The following PRPF18 variants were observed in gnomAD, a reference collection of about 807,000 sequenced individuals.
The protein encoded by PRPF18 is pre-mRNA-splicing factor 18.
In PRPF18, 38 loss-of-function variants were observed where a neutral mutation model predicts 46.5. The ratio of observed to expected loss-of-function variants is 0.82; its 90% CI spans 0.63 to 1.07. PRPF18 has a LOEUF of 1.07. Among genes scored for constraint, PRPF18 ranks in the 50% least tolerant of loss-of-function variants. The probability of loss-of-function intolerance (pLI) is 0.00; values close to 1 mark genes in which losing one functional copy is unlikely to be tolerated. For synonymous variants in PRPF18, 152 were observed against 146.7 expected (o/e 1.04, Z -0.26); for missense variants, 263 against 410.0 (o/e 0.64, Z 3.10).
At position 13,610,094 on chromosome 10, in the gene PRPF18, A is replaced by G. The variant is rs2080249172; in HGVS notation, c.419A>G (p.Asn140Ser). 1 of 1,613,844 alleles carries G rather than the reference A, an allele frequency of 6.2e-7. No individual in the cohort carries two copies. The highest frequency in any genetic ancestry group is 8.5e-7 in the Non-Finnish European group (1 of 1,179,806). ...GATAAGATTGATCAGCAGTACCTCA[A>G]TGAAATCGTCGGCGGTCAGGAGCCT... ...ALDKIDQQYL[N>S]EIVGGQEPGE... The change falls in exon 5 of 10, where the codon AAT becomes AGT. Residue 140 changes from asparagine (N) to serine (S), a missense_variant. Around this residue, in one of 4 missense-constraint regions of PRPF18, gnomAD observed 155 missense variants for 245.1 expected, o/e 0.63. Transcript: ENST00000378572.
chr10:13,622,931 G>C (rs2080441193), intron 9 of PRPF18, among the ~76,000 whole-genome samples: 1 of 152,184 alleles, frequency 6.6e-6, no homozygotes, highest in Non-Finnish European at 1.5e-5. Flanking sequence ...GGGCACGGTG[G>C]CTCACGCCTG....
Position 13,616,699 on chromosome 10 carries a change from C to CACAG in PRPF18, c.948+146_948+147insACAG, listed in dbSNP as rs2080345927. ...AGTCCCCTCTGGATAAGCACTGACA[C>CACAG]TGAAGCCACCTTCACTGAATAAAGT... is the stretch of plus-strand genomic sequence containing the variant. On this transcript the variant is annotated intron_variant, in intron 9 of 9. Coordinates refer to ENST00000378572, the MANE Select transcript of PRPF18 (RefSeq NM_003675.4). 4 of 966,678 alleles carry CACAG rather than the reference C, an allele frequency of 4.1e-6. No individual in the cohort carries two copies. In the South Asian group the frequency reaches 6.4e-5, roughly 15 times the overall value. The allele number at this position is 966,678 out of a possible 1,614,324, so 59.9% of individuals were successfully genotyped here. A position where few individuals can be genotyped will look rare whatever the true frequency, so the allele number is the denominator to read the frequency against.
At chr10:13,646,436 G>C in the PRPF18 span, 1 of 152,442 alleles carries the variant, frequency 6.6e-6, no homozygotes. Flanking sequence ...ATCCCCACAA[G>C]CTGTCCCATC....
the PRPF18 span, chr10:13,642,742 G>A: frequency 6.6e-6 from 1 of 152,198 alleles, no homozygotes; most frequent in African/African-American, 2.4e-5. Context: ...TTTTTCAAGT[G>A]TAGATGATTT....
chr10:13,622,625 TACAG>T (rs2080436507), intron 9 of PRPF18, among the ~76,000 whole-genome samples: 1 of 152,322 alleles, frequency 6.6e-6, no homozygotes, highest in African/African-American at 2.4e-5. Flanking sequence ...AAAACAAAAA[TACAG>T]AGAAGTAAAA....
At chr10:13,587,350 A>G in intron 1 of PRPF18, 198 bp downstream of exon 1, 1 of 620,532 alleles carries the variant, frequency 1.6e-6, no homozygotes, top group Non-Finnish European at 2.8e-6. Context: ...AGGGTCTGAG[A>G]GCAGGGAACT....
chr10:13,641,235 G>C, the PRPF18 span: 1 of 152,224 alleles, frequency 6.6e-6, no homozygotes, highest in African/African-American at 2.4e-5. Flanking sequence ...AAGGAAAGCT[G>C]ATGAAAAAGA....
At chr10:13,633,063 A>G (rs1019012324), downstream of PRPF18, among the ~76,000 whole-genome samples, 1 of 152,214 alleles carries the variant, frequency 6.6e-6, no homozygotes, top group African/African-American at 2.4e-5. Flanking sequence ...GTGTTGCAGC[A>G]TAGAGCCTGC....
intron 8 of PRPF18, among the ~76,000 whole-genome samples, chr10:13,614,435 A>G (rs566869927): frequency 1.8e-3 from 274 of 152,362 alleles, no homozygotes; most frequent in Non-Finnish European, 3.2e-3. Context: ...ATTTTCCCAT[A>G]GAAACAACGT....
At chr10:13,612,435 T>TTTTA (rs942351956) in intron 6 of PRPF18, among the ~76,000 whole-genome samples, 35 of 151,720 alleles carry the variant, frequency 2.3e-4, no homozygotes, top group Middle Eastern at 3.4e-3. Flanking sequence ...TTTTTGTATT[T>TTTTA]TTTATTTATT....
chr10:13,613,962 C>T, intron 7 of PRPF18, 53 bp from the exon 8 acceptor site: 1 of 1,552,952 alleles, frequency 6.4e-7, no homozygotes, highest in Admixed American at 2.0e-5. Flanking sequence ...TCTGTTTTTT[C>T]CCTATACATC....
chr10:13,616,552 A>G lies in PRPF18; in HGVS notation c.947A>G (p.Gln316Arg), dbSNP rs1179720130. 4 of 1,613,814 alleles carry G rather than the reference A, an allele frequency of 2.5e-6. No homozygotes were observed. The Admixed American group carries it at 6.7e-5, about 27-fold the overall frequency. Residue 316 changes from glutamine (Q) to arginine (R), a missense_variant and splice_region_variant, in exon 9 of 10, where the codon CAG becomes CGG. Physicochemically the swap from Gln to Arg is conservative, Grantham distance 43. Transcript: ENST00000378572. Reference protein sequence around the residue: ...LNDETQRKYIQGLKRLMTICQ... With the variant: ...LNDETQRKYIRGLKRLMTICQ... ...GACGAAACTCAGCGGAAATATATTC[A>G]GGTAAGCAGTTTGGAGAGCCGGGAA... is the stretch of plus-strand genomic sequence containing the variant.
chr10:13,628,105 A>T (rs2080536033), intron 9 of PRPF18, among the ~76,000 whole-genome samples: 1 of 152,216 alleles, frequency 6.6e-6, no homozygotes, highest in African/African-American at 2.4e-5. Context: ...ATCCCAAAGC[A>T]AATACCTGAT....
the PRPF18 span, among the ~76,000 whole-genome samples, chr10:13,637,428 T>C: frequency 6.6e-6 from 1 of 152,238 alleles, no homozygotes; most frequent in Non-Finnish European, 1.5e-5. Flanking sequence ...ATGGCTAATA[T>C]AGTTGAGTAC....
the PRPF18 span, chr10:13,645,966 T>C: frequency 6.6e-6 from 1 of 152,544 alleles, no homozygotes; most frequent in Non-Finnish European, 1.5e-5. Context: ...CACCTTACGT[T>C]ACTACAAATC....
intron 1 of PRPF18, chr10:13,591,455 A>C: frequency 1.7e-6 from 1 of 590,526 alleles, no homozygotes; most frequent in Admixed American, 2.6e-5. Flanking sequence ...TTCTTAAGAA[A>C]TGTAGAACAC....
chr10:13,592,171 TG>T (rs1369700938), intron 1 of PRPF18: 1 of 619,592 alleles, frequency 1.6e-6, no homozygotes, highest in Non-Finnish European at 3.0e-6. Context: ...CCAATTCCTC[TG>T]ACAAGGACAG....
At chr10:13,647,722 A>G in the PRPF18 span, 2 of 143,324 alleles carry the variant, frequency 1.4e-5, no homozygotes. Flanking sequence ...CTATAGAAGA[A>G]AATAAAAGGC....
At chr10:13,601,819 A>G (rs2133388383) in intron 3 of PRPF18, among the ~76,000 whole-genome samples, 1 of 152,348 alleles carries the variant, frequency 6.6e-6, no homozygotes, top group Admixed American at 6.5e-5. Context: ...AGTCCTTAAT[A>G]GTGAGCTACT....
Sources: gnomAD v4.1 joint callset for allele counts (sites outside exome capture counted in the v4.1 genomes callset) on GRCh38, gnomAD v4.1.1 for gene constraint, gnomAD v4.1.1 regional missense constraint, MANE v1.5 for transcripts, NCBI Gene and HGNC (gene_info 2026-07-23, HGNC 2026-07-21) for gene names.